Variants in SHANK2 observed in about 807,000 individuals in gnomAD.
The protein encoded by SHANK2 is SH3 and multiple ankyrin repeat domains protein 2.
In SHANK2, 43 loss-of-function variants were observed where a neutral mutation model predicts 133.7. The observed-to-expected ratio is 0.32, with a 90% CI of 0.25 to 0.41. The LOEUF (loss-of-function observed/expected upper bound fraction) is 0.41, where lower values mean the gene tolerates loss of function less well. Ranked by LOEUF, SHANK2 falls within the 10% of genes least tolerant of loss-of-function variation. The probability of loss-of-function intolerance (pLI) is 1.00; values close to 1 mark genes in which losing one functional copy is unlikely to be tolerated. For missense variants in SHANK2, 1,994 were observed against 2,235.8 expected (o/e 0.89, Z 2.18); for synonymous variants, 1,017 against 952.8 (o/e 1.07, Z -1.24).
At position 70,487,979 on chromosome 11, in the gene SHANK2, T is replaced by G. The variant is rs1385116013; in HGVS notation, c.2573-259A>C. Among the ~76,000 whole-genome samples, 2 of 152,194 alleles carry G rather than the reference T, an allele frequency of 1.3e-5. No individual in the cohort carries two copies. Among genetic ancestry groups the G allele is most frequent in the Non-Finnish European group, 2.9e-5 (2 of 68,030 alleles). ...TGCTGTGGGGCCTCCAGGCACAGGC[T>G]GCAGCAGGGGAGCTGTGTGAGGCCA... On this transcript the variant is annotated intron_variant, in intron 24 of 25. Transcript: ENST00000601538. This position sits in a 1 kb window ranked among gnomAD's most constrained non-coding sequence, Gnocchi z 5.8.
chr11:70,614,487 T>A (rs896028068), intron 17 of SHANK2, among the ~76,000 whole-genome samples: 2 of 152,048 alleles, frequency 1.3e-5, no homozygotes, highest in Non-Finnish European at 2.9e-5. Flanking sequence ...AATTTTGCAT[T>A]TTTTAAGTAG....
chr11:71,095,935 C>G (rs1268860590), intron 6 of SHANK2, among the ~76,000 whole-genome samples: 1 of 141,174 alleles, frequency 7.1e-6, no homozygotes, highest in Non-Finnish European at 1.6e-5. Context: ...TGTGTGTAGA[C>G]ATGCCAACAT....
intron 17 of SHANK2, among the ~76,000 whole-genome samples, chr11:70,609,144 G>A (rs534281140): frequency 6.6e-6 from 1 of 152,232 alleles, no homozygotes; most frequent in Non-Finnish European, 1.5e-5. Context: ...GAGAGGGCCT[G>A]GCCGGCTCCC....
chr11:70,496,433 G>C (rs939786068), intron 21 of SHANK2, among the ~76,000 whole-genome samples: 3 of 152,132 alleles, frequency 2.0e-5, no homozygotes, highest in Admixed American at 6.5e-5. Context: ...AAATGAACAG[G>C]CTGCAGGCTG....
chr11:70,690,887 T>A (rs1251315739), intron 15 of SHANK2, among the ~76,000 whole-genome samples: 1 of 152,000 alleles, frequency 6.6e-6, no homozygotes, highest in East Asian at 1.9e-4. Flanking sequence ...TCAAGGATGT[T>A]TCACATTTTA....
intron 11 of SHANK2, among the ~76,000 whole-genome samples, chr11:70,867,476 G>A (rs1235706199): frequency 1.3e-5 from 2 of 152,176 alleles, no homozygotes; most frequent in South Asian, 2.1e-4. Context: ...TACGGCATGC[G>A]CATGAGGGCT....
Position 70,861,508 on chromosome 11 carries a change from C to T in SHANK2, c.1174+34993G>A, listed in dbSNP as rs562674564. Among the ~76,000 whole-genome samples the T allele has an allele frequency of 6.6e-5, 10 of 152,304 alleles. No individual in the cohort carries two copies. The East Asian group carries it at 1.5e-3, about 23-fold the overall frequency. Reference sequence around the variant, plus strand: ...CTGAACTTGCATCAAAACATGATTTCCATCAAAATTCCCATCAAAAGTCTT... The same window carrying T: ...CTGAACTTGCATCAAAACATGATTTTCATCAAAATTCCCATCAAAAGTCTT... On this transcript the variant is annotated intron_variant, in intron 11 of 25. Coordinates refer to ENST00000601538, the MANE Select transcript of SHANK2 (RefSeq NM_012309.5).
intron 14 of SHANK2, among the ~76,000 whole-genome samples, chr11:70,753,143 C>G (rs1946790626): frequency 7.0e-6 from 1 of 143,482 alleles, no homozygotes; most frequent in Admixed American, 7.0e-5. Context: ...AACAACAAAA[C>G]AAACATGAGG....
At chr11:71,227,570 A>G (rs1387728572) in intron 1 of SHANK2, among the ~76,000 whole-genome samples, 1 of 152,120 alleles carries the variant, frequency 6.6e-6, no homozygotes, top group Non-Finnish European at 1.5e-5. Flanking sequence ...TGAAGCAAAA[A>G]TGGATAGAAC....
chr11:70,578,967 C>T (rs930096310), intron 17 of SHANK2, among the ~76,000 whole-genome samples: 7 of 152,182 alleles, frequency 4.6e-5, no homozygotes, highest in African/African-American at 1.4e-4. Flanking sequence ...ACCAGCCGGG[C>T]GACCCCATCC....
chr11:70,714,412 C>G (rs558334341), intron 14 of SHANK2, among the ~76,000 whole-genome samples: 1 of 152,288 alleles, frequency 6.6e-6, no homozygotes, highest in African/African-American at 2.4e-5. Context: ...ACTGCAAGGC[C>G]TTATCTTGTT....
chr11:70,797,999 T>G (rs1947955257), intron 14 of SHANK2, among the ~76,000 whole-genome samples: 1 of 152,178 alleles, frequency 6.6e-6, no homozygotes, highest in Non-Finnish European at 1.5e-5. Context: ...TGGAATGGCT[T>G]CCCGTCGGAA....
chr11:70,929,708 C>T (rs1394697246), intron 10 of SHANK2, among the ~76,000 whole-genome samples: 2 of 152,208 alleles, frequency 1.3e-5, no homozygotes, highest in African/African-American at 4.8e-5. Context: ...ACTATCTCCC[C>T]AACTCAAGAT....
chr11:71,232,228 G>C (rs185734505), intron 1 of SHANK2, among the ~76,000 whole-genome samples: 215 of 152,306 alleles, frequency 1.4e-3, no homozygotes, highest in Non-Finnish European at 1.6e-3. Context: ...AGAGCAAGTA[G>C]GGGTGGAAGG....
intron 11 of SHANK2, among the ~76,000 whole-genome samples, chr11:70,881,000 A>G (rs1214102160): frequency 2.0e-5 from 3 of 152,180 alleles, no homozygotes; most frequent in Non-Finnish European, 4.4e-5. Context: ...GGGCATCCCA[A>G]CCCTGAACGA....
Position 70,486,864 on chromosome 11 carries a change from G to C in SHANK2, c.3429C>G (p.Ser1143=). Reference sequence around the variant, plus strand: ...CCCTGGGCGTGGCACTCGGCATGGGGGATGACAGCTGCTCAGCGCTGTCCT... The same window carrying C: ...CCCTGGGCGTGGCACTCGGCATGGGCGATGACAGCTGCTCAGCGCTGTCCT... The part of the protein sequence containing the change: ...ADEDSAEQLS[S]PMPSATPREP... The change falls in exon 25 of 26, where the codon TCC becomes TCG. Residue 1143 remains serine (S), a synonymous_variant. Transcript: ENST00000601538. The surrounding 1 kb of genome is among the most constrained non-coding windows in gnomAD (Gnocchi z 8.0). 1 of 1,612,724 alleles carries C rather than the reference G, an allele frequency of 6.2e-7. No individual in the cohort carries two copies. The highest frequency in any genetic ancestry group is 8.5e-7 in the Non-Finnish European group (1 of 1,179,928).
intron 2 of SHANK2, among the ~76,000 whole-genome samples, chr11:71,160,501 A>C (rs1952992510): frequency 6.6e-6 from 1 of 152,178 alleles, no homozygotes; most frequent in African/African-American, 2.4e-5. Context: ...ATGCATTCCC[A>C]TCTCCCTGCA....
intron 15 of SHANK2, among the ~76,000 whole-genome samples, chr11:70,674,491 G>T (rs530742889): frequency 6.6e-6 from 1 of 152,296 alleles, no homozygotes; most frequent in African/African-American, 2.4e-5. Flanking sequence ...TGTAATTATG[G>T]GAGCCCGCCA....
chr11:70,950,452 A>G (rs1472603362), intron 10 of SHANK2, among the ~76,000 whole-genome samples: 1 of 152,062 alleles, frequency 6.6e-6, no homozygotes, highest in Non-Finnish European at 1.5e-5. Flanking sequence ...CAGCCCCCCA[A>G]AGTGCTGGGA....
Sources: gnomAD v4.1 joint callset for allele counts (sites outside exome capture counted in the v4.1 genomes callset) on GRCh38, gnomAD v4.1.1 for gene constraint, Gnocchi (gnomAD v3.1) non-coding constraint, MANE v1.5 for transcripts, NCBI Gene and HGNC (gene_info 2026-07-23, HGNC 2026-07-21) for gene names.